The following CCDC91 variants were observed in gnomAD, a reference collection of about 807,000 sequenced individuals.
The protein encoded by CCDC91 is coiled-coil domain containing 91, also known as coiled-coil domain-containing protein 91.
CCDC91 carries 48 observed loss-of-function variants against 63.2 expected under a neutral mutation model. That is an observed-to-expected ratio of 0.76 (90% confidence interval 0.60 to 0.97). The LOEUF (loss-of-function observed/expected upper bound fraction) is 0.97, where lower values mean the gene tolerates loss of function less well. CCDC91 is among the 50% of genes least tolerant of loss of function. CCDC91 has a pLI of 0.00. For missense variants in CCDC91, 500 were observed against 494.6 expected, an observed-to-expected ratio of 1.01 and a Z score of -0.10; for synonymous variants, 167 against 165.8, an observed-to-expected ratio of 1.01 and a Z score of -0.06.
At chr12:28,304,653 G>A in intron 3 of CCDC91, 7 of 1,276,942 alleles carry the variant, frequency 5.5e-6, no homozygotes, top group Non-Finnish European at 6.1e-6. Flanking sequence ...ATTGTGAGCT[G>A]CCTTCCAGAG....
intron 1 of CCDC91, among the ~76,000 whole-genome samples, chr12:28,204,459 A>G (rs1942695197): frequency 6.6e-6 from 1 of 152,174 alleles, no homozygotes; most frequent in Admixed American, 6.5e-5. Flanking sequence ...TTGGGGAAGT[A>G]ATGCTATGAT....
chr12:28,393,677 G>T (rs553767160), intron 8 of CCDC91, among the ~76,000 whole-genome samples: 1 of 152,266 alleles, frequency 6.6e-6, no homozygotes, highest in East Asian at 1.9e-4. Context: ...AATGTAGTTG[G>T]TATTTGTTGC....
At chr12:28,249,880 G>A (rs189067025) in intron 1 of CCDC91, among the ~76,000 whole-genome samples, 107 of 152,252 alleles carry the variant, frequency 7.0e-4, no homozygotes, top group African/African-American at 2.3e-3. Flanking sequence ...GATTTTGCCA[G>A]ATAAGAATAC....
intron 3 of CCDC91, among the ~76,000 whole-genome samples, chr12:28,298,572 T>C (rs1187132641): frequency 6.6e-6 from 1 of 151,304 alleles, no homozygotes; most frequent in Non-Finnish European, 1.5e-5. Flanking sequence ...TTTTTTATTT[T>C]TTCTTTGTTG....
At chr12:28,262,879 T>C (rs762236617) in intron 3 of CCDC91, among the ~76,000 whole-genome samples, 6 of 152,024 alleles carry the variant, frequency 3.9e-5, no homozygotes, top group Non-Finnish European at 8.8e-5. Flanking sequence ...ATTATTACTT[T>C]ATTTTAGTGA....
intron 8 of CCDC91, chr12:28,412,872 C>G: frequency 2.3e-6 from 1 of 440,074 alleles, no homozygotes; most frequent in Non-Finnish European, 4.6e-6. Flanking sequence ...GGAAAGTTCC[C>G]CAACTCCCTA....
chr12:28,359,782 C>CTTTCTTTTTTTT (rs1565853546), intron 6 of CCDC91, among the ~76,000 whole-genome samples: 2 of 151,972 alleles, frequency 1.3e-5, no homozygotes, highest in African/African-American at 4.8e-5. Context: ...CAGAATATTT[C>CTTTCTTTTTTTT]TATTTACTTT....
chr12:28,333,080 T>C (rs1941640509), intron 6 of CCDC91, among the ~76,000 whole-genome samples: 1 of 152,118 alleles, frequency 6.6e-6, no homozygotes, highest in Non-Finnish European at 1.5e-5. Context: ...TGAGAATGTG[T>C]ATGTTGGGCA....
chr12:28,525,360 A>C (rs144075112), intron 12 of CCDC91, among the ~76,000 whole-genome samples: 1 of 152,128 alleles, frequency 6.6e-6, no homozygotes. Context: ...TGTTAGCCCA[A>C]TGATCATTCG....
chr12:28,514,127 T>A (rs1216052903), intron 12 of CCDC91, among the ~76,000 whole-genome samples: 4 of 151,984 alleles, frequency 2.6e-5, no homozygotes, highest in African/African-American at 9.7e-5. Context: ...GCATCTGTAA[T>A]TTTTTGACTT....
intron 8 of CCDC91, among the ~76,000 whole-genome samples, chr12:28,418,537 T>C (rs563292769): frequency 1.6e-4 from 24 of 152,234 alleles, no homozygotes; most frequent in Admixed American, 2.6e-4. Context: ...TAATGAGATA[T>C]AATGTGCCTT....
At chr12:28,350,840 T>C (rs1943134498) in intron 6 of CCDC91, among the ~76,000 whole-genome samples, 1 of 152,180 alleles carries the variant, frequency 6.6e-6, no homozygotes, top group African/African-American at 2.4e-5. Context: ...GTCTCAAATA[T>C]CCCTCTCTTT....
At chr12:28,334,040 ATGTGTG>A (rs148910206) in intron 6 of CCDC91, among the ~76,000 whole-genome samples, 2 of 148,518 alleles carry the variant, frequency 1.3e-5, no homozygotes, top group South Asian at 2.1e-4. Flanking sequence ...GGCAGAATTT[ATGTGTG>A]TGTGTGTGTG....
At chr12:28,306,606 T>TA (rs1938759834) in intron 4 of CCDC91, 136 bp from the exon 5 acceptor site, 2 of 571,922 alleles carry the variant, frequency 3.5e-6, no homozygotes, top group South Asian at 5.5e-5. Flanking sequence ...TTGATTTACT[T>TA]AAAGGGTGAA....
At chr12:28,417,101 G>C (rs1348880061) in intron 8 of CCDC91, among the ~76,000 whole-genome samples, 3 of 152,044 alleles carry the variant, frequency 2.0e-5, no homozygotes, top group Admixed American at 2.0e-4. Flanking sequence ...GAACCTGTAT[G>C]AACTTCTAGA....
At chr12:28,306,275 C>T (rs1216442653) in intron 4 of CCDC91, among the ~76,000 whole-genome samples, 1 of 152,024 alleles carries the variant, frequency 6.6e-6, no homozygotes, top group Admixed American at 6.6e-5. Context: ...TGAAGGTAGT[C>T]CCAATTTCTA....
chr12:28,452,435 A>T (rs758064493), intron 10 of CCDC91, 43 bp from the exon 11 acceptor site: 19 of 1,297,536 alleles, frequency 1.5e-5, no homozygotes, highest in Non-Finnish European at 1.4e-5. Context: ...AGAAATTATT[A>T]TGCAGTCTTT....
intron 12 of CCDC91, among the ~76,000 whole-genome samples, chr12:28,512,359 G>T (rs1939467820): frequency 6.6e-6 from 1 of 151,818 alleles, no homozygotes; most frequent in South Asian, 2.1e-4. Flanking sequence ...ATTTAGGACA[G>T]AAATAAGTGC....
intron 7 of CCDC91, among the ~76,000 whole-genome samples, chr12:28,364,748 A>G (rs1944163752): frequency 6.6e-6 from 1 of 152,220 alleles, no homozygotes; most frequent in Non-Finnish European, 1.5e-5. Context: ...TGAACTTCTC[A>G]TGCATGAATG....
Sources: allele counts gnomAD v4.1 joint callset (sites outside exome capture counted in the v4.1 genomes callset), GRCh38; gene constraint gnomAD v4.1.1; transcripts MANE v1.5; gene names NCBI Gene and HGNC (gene_info 2026-07-23, HGNC 2026-07-21).